The following SLC4A4 variants were observed in gnomAD, a reference collection of about 807,000 sequenced individuals.
SLC4A4 encodes the protein solute carrier family 4 member 4, also known as electrogenic sodium bicarbonate cotransporter 1.
A neutral mutation model predicts 111.5 loss-of-function variants in SLC4A4; 27 were observed. The observed-to-expected ratio is 0.24, with a 90% CI of 0.18 to 0.33. The LOEUF (loss-of-function observed/expected upper bound fraction) is 0.33. Ranked by LOEUF, SLC4A4 falls within the 10% of genes least tolerant of loss-of-function variation. The pLI is 1.00. For missense variants in SLC4A4, 909 were observed against 1,315.5 expected (o/e 0.69, Z 4.78); for synonymous variants, 443 against 463.4 (o/e 0.96, Z 0.57).
At chr4:71,318,675 A>G (rs1483832139) in intron 3 of SLC4A4, among the ~76,000 whole-genome samples, 2 of 152,076 alleles carry the variant, frequency 1.3e-5, no homozygotes, top group Admixed American at 1.3e-4. Flanking sequence ...TTAGGTGAAT[A>G]TAACATTACA....
At chr4:71,241,258 A>G (rs1375068944) in intron 2 of SLC4A4, among the ~76,000 whole-genome samples, 1 of 152,160 alleles carries the variant, frequency 6.6e-6, no homozygotes, top group Non-Finnish European at 1.5e-5. Flanking sequence ...TCATACTTAT[A>G]TCATTTATAT....
rs376043069 is a variant in SLC4A4, at chr4:71,156,588, G to GCGCGCA, written c.-2+63797_-2+63798insGCGCAC. Among the ~76,000 whole-genome samples the GCGCGCA allele has an allele frequency of 7.9e-3, 1,088 of 138,488 alleles. 9 individuals are homozygous for GCGCGCA. The highest frequency in any genetic ancestry group is 0.027 in the African/African-American group (1,005 of 36,556). 90.9% of individuals were successfully genotyped at this position (138,488 alleles called of 152,430 possible). A position where few individuals can be genotyped will look rare whatever the true frequency, so the allele number is the denominator to read the frequency against. On this transcript the variant is annotated intron_variant, in intron 2 of 26. Coordinates refer to the SLC4A4 transcript ENST00000649996. ...TGTGCGCGCATGCGCGCGCGCGCGC[G>GCGCGCA]CACACACACACACACACACACACAC... is the stretch of plus-strand genomic sequence containing the variant.
chr4:71,103,359 C>G (rs1339690467), intron 2 of SLC4A4, among the ~76,000 whole-genome samples: 1 of 152,106 alleles, frequency 6.6e-6, no homozygotes, highest in African/African-American at 2.4e-5. Flanking sequence ...TTAGACAGAT[C>G]AACGAGACAG....
intron 2 of SLC4A4, among the ~76,000 whole-genome samples, chr4:71,146,483 G>A (rs1432450129): frequency 1.3e-5 from 2 of 152,158 alleles, no homozygotes; most frequent in Non-Finnish European, 2.9e-5. Flanking sequence ...GCAGAGCTGA[G>A]TTCAATTCCT....
intron 15 of SLC4A4, among the ~76,000 whole-genome samples, chr4:71,495,565 GT>G (rs1359325574): frequency 6.6e-6 from 1 of 152,006 alleles, no homozygotes; most frequent in Non-Finnish European, 1.5e-5. Flanking sequence ...AAGATATATA[GT>G]TTGTTTTTTA....
chr4:71,199,757 T>C (rs1462041322), intron 1 of SLC4A4, among the ~76,000 whole-genome samples: 2 of 152,092 alleles, frequency 1.3e-5, no homozygotes, highest in African/African-American at 4.8e-5. Context: ...TTCAGGTAGT[T>C]CTCCTGCTTC....
intron 3 of SLC4A4, among the ~76,000 whole-genome samples, chr4:71,262,978 A>G (rs1721974129): frequency 6.6e-6 from 1 of 151,382 alleles, no homozygotes; most frequent in South Asian, 2.1e-4. Context: ...TCATCATTTA[A>G]CATTAGCTAT....
intron 3 of SLC4A4, among the ~76,000 whole-genome samples, chr4:71,271,308 G>A (rs766991672): frequency 1.4e-4 from 21 of 152,210 alleles, no homozygotes; most frequent in Non-Finnish European, 2.9e-4. Context: ...CCTCCAGAGA[G>A]GGGACAAGTA....
At chr4:71,549,135 T>C (rs1057202962) in intron 20 of SLC4A4, among the ~76,000 whole-genome samples, 1 of 151,902 alleles carries the variant, frequency 6.6e-6, no homozygotes, top group African/African-American at 2.4e-5. Context: ...ACAGAGCTTA[T>C]GTTCTGCAGG....
At chr4:71,515,142 T>G (rs1732266878) in intron 16 of SLC4A4, among the ~76,000 whole-genome samples, 1 of 152,076 alleles carries the variant, frequency 6.6e-6, no homozygotes, top group Non-Finnish European at 1.5e-5. Context: ...CATACTGTTT[T>G]GCTGAATTCC....
intron 14 of SLC4A4, among the ~76,000 whole-genome samples, chr4:71,476,068 A>G (rs906772536): frequency 6.6e-6 from 1 of 151,812 alleles, no homozygotes; most frequent in Non-Finnish European, 1.5e-5. Context: ...GTCTATGGAG[A>G]TGAAATCTAT....
At chr4:71,467,961 T>A (rs1350164356) in intron 13 of SLC4A4, among the ~76,000 whole-genome samples, 2 of 152,102 alleles carry the variant, frequency 1.3e-5, no homozygotes, top group African/African-American at 4.8e-5. Flanking sequence ...CATCATGGAC[T>A]TATGGACTCA....
At chr4:71,107,852 C>G (rs962367215) in intron 2 of SLC4A4, among the ~76,000 whole-genome samples, 1 of 119,502 alleles carries the variant, frequency 8.4e-6, no homozygotes, top group African/African-American at 2.8e-5. Context: ...GGACTACAGG[C>G]AAACACCACC....
At chr4:71,090,453 T>G (rs72858445) in intron 1 of SLC4A4, among the ~76,000 whole-genome samples, 1,929 of 152,308 alleles carry the variant, frequency 0.013, 44 homozygotes, top group African/African-American at 0.044. Context: ...GTACCTCGGT[T>G]GGAAATGCAG....
chr4:71,073,468 A>G (rs1741720980), intron 1 of SLC4A4, among the ~76,000 whole-genome samples: 1 of 152,144 alleles, frequency 6.6e-6, no homozygotes, highest in Admixed American at 6.5e-5. Context: ...AGGGTGCCTC[A>G]TATGTTTGAT....
intron 7 of SLC4A4, among the ~76,000 whole-genome samples, chr4:71,427,999 G>A (rs1337752052): frequency 1.3e-5 from 2 of 152,070 alleles, no homozygotes; most frequent in Non-Finnish European, 2.9e-5. Flanking sequence ...CTGTCTTCAT[G>A]ACACTTTAAT....
chr4:71,551,633 T>C (rs1736003769), intron 20 of SLC4A4, among the ~76,000 whole-genome samples: 1 of 151,942 alleles, frequency 6.6e-6, no homozygotes, highest in Non-Finnish European at 1.5e-5. Context: ...TGAAAGCCAA[T>C]CTCATAACCC....
chr4:71,356,871 A>C, intron 5 of SLC4A4, 137 bp from the exon 6 acceptor site: 1 of 766,834 alleles, frequency 1.3e-6, no homozygotes, highest in Non-Finnish European at 2.1e-6. Context: ...TATCTTTTAC[A>C]TAAAATGGGA....
chr4:71,139,770 T>C (rs1407181779), intron 2 of SLC4A4, among the ~76,000 whole-genome samples: 1 of 152,254 alleles, frequency 6.6e-6, no homozygotes, highest in African/African-American at 2.4e-5. Flanking sequence ...TTTTGTTTCA[T>C]GCATAGAATG....
Sources: allele counts gnomAD v4.1 joint callset (sites outside exome capture counted in the v4.1 genomes callset), GRCh38; gene constraint gnomAD v4.1.1; transcripts MANE v1.5; gene names NCBI Gene and HGNC (gene_info 2026-07-23, HGNC 2026-07-21).